Variants in L3MBTL4 observed in about 807,000 individuals in gnomAD.
L3MBTL4 encodes L3MBTL histone methyl-lysine binding protein 4.
A neutral mutation model predicts 84.5 loss-of-function variants in L3MBTL4; 70 were observed. That is an observed-to-expected ratio of 0.83 (90% CI 0.68 to 1.01). The LOEUF is 1.01. L3MBTL4 is among the 50% of genes least tolerant of loss of function. L3MBTL4 has a pLI of 0.00. For synonymous variants in L3MBTL4, 274 were observed against 259.8 expected (o/e 1.05, Z -0.52); for missense variants, 715 against 754.8 (o/e 0.95, Z 0.62).
At chr18:6,225,044 G>A (rs2046719348) in intron 10 of L3MBTL4, among the ~76,000 whole-genome samples, 1 of 152,136 alleles carries the variant, frequency 6.6e-6, no homozygotes, top group Admixed American at 6.5e-5. Context: ...AGATAAGAGT[G>A]CTATTGGAAA....
chr18:6,225,592 T>C (rs1014882104), intron 10 of L3MBTL4, among the ~76,000 whole-genome samples: 1 of 152,062 alleles, frequency 6.6e-6, no homozygotes, highest in Non-Finnish European at 1.5e-5. Context: ...AAACACCATC[T>C]TTACCAAAAA....
intron 13 of L3MBTL4, among the ~76,000 whole-genome samples, chr18:6,160,931 C>A (rs1317707301): frequency 2.6e-5 from 4 of 152,038 alleles, no homozygotes; most frequent in Admixed American, 2.6e-4. Flanking sequence ...GAAATGAGCT[C>A]CATTTAAAGA....
chr18:6,295,724 G>C (rs1303634784), intron 4 of L3MBTL4, among the ~76,000 whole-genome samples: 1 of 152,054 alleles, frequency 6.6e-6, no homozygotes, highest in Admixed American at 6.5e-5. Context: ...GAAGTCCCCT[G>C]TTAATCCTCC....
intron 4 of L3MBTL4, among the ~76,000 whole-genome samples, chr18:6,295,309 ACTCTCTCTCTCTCT>A (rs58507219): frequency 4.5e-4 from 28 of 62,744 alleles, no homozygotes; most frequent in African/African-American, 9.9e-4. Flanking sequence ...AACAACAACA[ACTCTCTCTCTCTCT>A]CTCTCTCTCT....
intron 10 of L3MBTL4, 97 bp downstream of exon 10, chr18:6,237,867 G>A: frequency 1.2e-6 from 1 of 868,888 alleles, no homozygotes; most frequent in Non-Finnish European, 2.0e-6. Flanking sequence ...ATATTAAATA[G>A]ATATGTATTA....
At chr18:6,369,511 G>A (rs559116978) in intron 1 of L3MBTL4, among the ~76,000 whole-genome samples, 1 of 152,238 alleles carries the variant, frequency 6.6e-6, no homozygotes, top group South Asian at 2.1e-4. Context: ...ATATTTAGAA[G>A]GGATCACTCT....
intron 1 of L3MBTL4, among the ~76,000 whole-genome samples, chr18:6,348,587 T>C (rs1027092724): frequency 6.6e-6 from 1 of 152,036 alleles, no homozygotes; most frequent in Non-Finnish European, 1.5e-5. Flanking sequence ...TGTTAAAAAG[T>C]ACAGCAACAA....
intron 1 of L3MBTL4, among the ~76,000 whole-genome samples, chr18:6,361,880 C>T (rs922858304): frequency 1.3e-5 from 2 of 151,990 alleles, no homozygotes; most frequent in Non-Finnish European, 2.9e-5. Context: ...CTTTGGGAGG[C>T]AGACGCAGGG....
rs199776978 is a variant in L3MBTL4, at chr18:5,969,593, A to G, written c.1445-31T>C. The stretch of plus-strand genomic sequence containing the variant: ...AGAGAGGTGGGGTGGGGTGAGGCTC[A>G]GGCTCCCAGAGAGCAAGCACTGCTG... On this transcript the variant is annotated intron_variant, in intron 16 of 18. Coordinates refer to ENST00000317931, the MANE Select transcript of L3MBTL4 (RefSeq NM_001330559.2). The G allele has an allele frequency of 1.8e-4, 274 of 1,562,164 alleles. 2 individuals are homozygous for G. In the African/African-American group the frequency reaches 3.4e-3, roughly 19 times the overall value.
At chr18:6,398,201 A>G (rs912100792) in intron 1 of L3MBTL4, among the ~76,000 whole-genome samples, 1 of 152,050 alleles carries the variant, frequency 6.6e-6, no homozygotes, top group Non-Finnish European at 1.5e-5. Flanking sequence ...AAAGTTGGCA[A>G]CTCTCTATAA....
intron 16 of L3MBTL4, among the ~76,000 whole-genome samples, chr18:6,064,599 T>TG (rs997909560): frequency 0.022 from 8 of 356 alleles, no homozygotes; most frequent in African/African-American, 0.029. Flanking sequence ...TATTCCTAGG[T>TG]TTTTTTTTTT....
At chr18:6,347,384 G>C (rs2052962558) in intron 1 of L3MBTL4, among the ~76,000 whole-genome samples, 1 of 151,840 alleles carries the variant, frequency 6.6e-6, no homozygotes, top group Non-Finnish European at 1.5e-5. Flanking sequence ...TTTAAAAAGA[G>C]AGTAAGAGAA....
At chr18:5,976,911 C>T (rs2052961282) in intron 16 of L3MBTL4, among the ~76,000 whole-genome samples, 1 of 152,124 alleles carries the variant, frequency 6.6e-6, no homozygotes, top group Admixed American at 6.5e-5. Flanking sequence ...GTGCGGCAAC[C>T]CAGCTGCTGT....
intron 5 of L3MBTL4, among the ~76,000 whole-genome samples, chr18:6,261,167 C>T (rs552959437): frequency 1.3e-5 from 2 of 152,278 alleles, no homozygotes; most frequent in African/African-American, 4.8e-5. Context: ...TTATTATGGG[C>T]ATATCATATC....
At chr18:5,959,473 C>A (rs1412190379) in intron 18 of L3MBTL4, among the ~76,000 whole-genome samples, 3 of 152,182 alleles carry the variant, frequency 2.0e-5, no homozygotes, top group Non-Finnish European at 4.4e-5. Context: ...TCCGGGGCCC[C>A]TATAGCTATG....
intron 1 of L3MBTL4, among the ~76,000 whole-genome samples, chr18:6,377,578 T>A (rs1265496671): frequency 6.6e-6 from 1 of 152,182 alleles, no homozygotes; most frequent in Non-Finnish European, 1.5e-5. Flanking sequence ...TGGTGTTTGG[T>A]TTTCTGTTCC....
intron 10 of L3MBTL4, among the ~76,000 whole-genome samples, chr18:6,232,535 T>A (rs2146004067): frequency 6.6e-6 from 1 of 152,184 alleles, no homozygotes; most frequent in Middle Eastern, 3.4e-3. Flanking sequence ...GTTTTTGTAT[T>A]ACTGATTCAA....
At chr18:6,352,787 A>G (rs1309880094) in intron 1 of L3MBTL4, among the ~76,000 whole-genome samples, 2 of 152,218 alleles carry the variant, frequency 1.3e-5, no homozygotes, top group Non-Finnish European at 2.9e-5. Context: ...AGAAAAAAAA[A>G]GGAAATCTAG....
chr18:6,078,601 G>A (rs1015002481), intron 16 of L3MBTL4, among the ~76,000 whole-genome samples: 7 of 151,996 alleles, frequency 4.6e-5, no homozygotes, highest in African/African-American at 1.2e-4. Context: ...ACGTTAGAAC[G>A]AAAGCAAATA....
Sources: gnomAD v4.1 joint callset for allele counts (sites outside exome capture counted in the v4.1 genomes callset) on GRCh38, gnomAD v4.1.1 for gene constraint, MANE v1.5 for transcripts, NCBI Gene and HGNC (gene_info 2026-07-23, HGNC 2026-07-21) for gene names.